ADAMTS19: variants seen among roughly 807,000 people sequenced by gnomAD.
ADAMTS19 encodes A disintegrin and metalloproteinase with thrombospondin motifs 19.
Under a neutral mutation model 153.3 loss-of-function variants are expected in ADAMTS19, and 93 were observed. The observed-to-expected ratio is 0.61, with a 90% CI of 0.51 to 0.72. ADAMTS19 has a LOEUF of 0.72. Among genes scored for constraint, ADAMTS19 ranks in the 30% least tolerant of loss-of-function variants. The pLI is 0.00. For synonymous variants in ADAMTS19, 600 were observed against 556.6 expected, an observed-to-expected ratio of 1.08 and a Z score of -1.10; for missense variants, 1,482 against 1,552.1, an observed-to-expected ratio of 0.95 and a Z score of 0.76.
chr5:129,614,103 A>T (rs569260850), intron 8 of ADAMTS19, among the ~76,000 whole-genome samples: 69 of 152,296 alleles, frequency 4.5e-4, no homozygotes, highest in African/African-American at 1.7e-3. Context: ...ATTCTACCAG[A>T]GGTACAAGGA....
At chr5:129,646,156 G>A (rs547727593) in intron 11 of ADAMTS19, among the ~76,000 whole-genome samples, 1 of 151,792 alleles carries the variant, frequency 6.6e-6, no homozygotes, top group South Asian at 2.1e-4. Context: ...CCAAAGTGCT[G>A]GGATTACAGG....
At chr5:129,642,203 G>C (rs767541928) in intron 11 of ADAMTS19, among the ~76,000 whole-genome samples, 17 of 151,816 alleles carry the variant, frequency 1.1e-4, no homozygotes, top group Non-Finnish European at 8.8e-5. Flanking sequence ...TGAGAATGTT[G>C]AGAGTCATAT....
chr5:129,614,946 C>T (rs953047640), intron 8 of ADAMTS19, among the ~76,000 whole-genome samples: 3 of 151,954 alleles, frequency 2.0e-5, no homozygotes, highest in East Asian at 1.9e-4. Context: ...ATTGATTCAA[C>T]GAGAATGAAA....
chr5:129,499,837 T>C (rs1312512276), intron 2 of ADAMTS19, among the ~76,000 whole-genome samples: 1 of 152,114 alleles, frequency 6.6e-6, no homozygotes, highest in East Asian at 1.9e-4. Context: ...CATTCCCACT[T>C]CCCATACATG....
At chr5:129,629,948 GT>G (rs1323450032) in intron 10 of ADAMTS19, among the ~76,000 whole-genome samples, 1 of 152,088 alleles carries the variant, frequency 6.6e-6, no homozygotes, top group Admixed American at 6.6e-5. Flanking sequence ...GGAAGGAAGT[GT>G]GATAAAACTG....
intron 7 of ADAMTS19, among the ~76,000 whole-genome samples, chr5:129,552,458 A>C (rs1291444667): frequency 6.6e-6 from 1 of 151,784 alleles, no homozygotes; most frequent in Non-Finnish European, 1.5e-5. Context: ...AAATGGTCAC[A>C]TATATGTTCA....
chr5:129,496,519 T>C (rs1750932559), intron 2 of ADAMTS19, among the ~76,000 whole-genome samples: 1 of 152,076 alleles, frequency 6.6e-6, no homozygotes, highest in African/African-American at 2.4e-5. Context: ...ACTAATCTTG[T>C]TTCCATGGTA....
intron 2 of ADAMTS19, among the ~76,000 whole-genome samples, chr5:129,474,112 T>A (rs1750148796): frequency 6.6e-6 from 1 of 152,154 alleles, no homozygotes; most frequent in Admixed American, 6.5e-5. Flanking sequence ...ACTCTGTGTC[T>A]CTATAGATTT....
At chr5:129,570,988 C>T (rs745311538) in intron 7 of ADAMTS19, among the ~76,000 whole-genome samples, 30 of 151,766 alleles carry the variant, frequency 2.0e-4, no homozygotes, top group African/African-American at 5.6e-4. Context: ...GGTGAAAAAA[C>T]GAATGCTTTC....
Position 129,648,911 on chromosome 5 carries a change from A to T in ADAMTS19, c.2117A>T (p.Tyr706Phe). 6.2e-7 allele frequency: 1 copy of T among 1,613,754 alleles called. No individual in the cohort carries two copies. The stretch of plus-strand genomic sequence containing the variant: ...TTCAGAGACTGGCAATGTCAGGCTT[A>T]TAGTGTTAGAACTTCCTCCCCAAAG... ...PGFRDWQCQAYSVRTSSPKHI... is the reference protein window; with the variant it reads ...PGFRDWQCQAFSVRTSSPKHI... The change falls in exon 13 of 23, where the codon TAT becomes TTT. Residue 706 changes from tyrosine (Y) to phenylalanine (F), a missense_variant. Tyr to Phe is a conservative substitution (Grantham distance 22, BLOSUM62 3). Around this residue, in one of 2 missense-constraint regions of ADAMTS19, gnomAD observed 616 missense variants for 724.4 expected, o/e 0.85. Transcript: ENST00000274487.
At position 129,607,062 on chromosome 5, in the gene ADAMTS19, C is replaced by T. The variant is rs375110329; in HGVS notation, c.1478+10398C>T. ...CCTCCTGAGTAGCTGGGATTACAGG[C>T]GCTCAGCACCCCACCCAGCTAATTT... On this transcript the variant is annotated intron_variant, in intron 8 of 22. Coordinates refer to ENST00000274487, the MANE Select transcript of ADAMTS19 (RefSeq NM_133638.6). 7.9e-5 allele frequency among the ~76,000 whole-genome samples: 12 copies of T among 152,012 alleles called. No individual in the cohort carries two copies. The South Asian group carries it at 1.9e-3, about 24-fold the overall frequency.
At chr5:129,526,851 G>A (rs1399046523) in intron 4 of ADAMTS19, among the ~76,000 whole-genome samples, 1 of 151,282 alleles carries the variant, frequency 6.6e-6, no homozygotes, top group Admixed American at 6.6e-5. Context: ...TATTTATGGG[G>A]TACATAAGAT....
intron 6 of ADAMTS19, among the ~76,000 whole-genome samples, chr5:129,533,686 T>C (rs113551483): frequency 6.6e-6 from 1 of 152,176 alleles, no homozygotes; most frequent in Admixed American, 6.5e-5. Context: ...ATTGTGATGT[T>C]AGGGTGTCAA....
At chr5:129,467,531 G>A (rs1749907804) in intron 2 of ADAMTS19, among the ~76,000 whole-genome samples, 1 of 152,128 alleles carries the variant, frequency 6.6e-6, no homozygotes. Context: ...GAAAATCAAA[G>A]AGAAAGAGAA....
At chr5:129,609,624 C>T (rs996228270) in intron 8 of ADAMTS19, among the ~76,000 whole-genome samples, 14 of 152,184 alleles carry the variant, frequency 9.2e-5, no homozygotes, top group African/African-American at 3.4e-4. Flanking sequence ...AACGATACCA[C>T]GTAGAATAAT....
Position 129,509,114 on chromosome 5 carries a change from T to C in ADAMTS19, c.785T>C (p.Ile262Thr). ...FIQLNEDFIF[I>T]EPLNDTMAIT... ...CAGCTCAATGAGGACTTCATATTTA[T>C]TGAGCCACTCAATGATACAATGGCC... The change falls in exon 3 of 23, where the codon ATT (isoleucine) becomes ACT (threonine). Residue 262 changes from isoleucine (I) to threonine (T), a missense_variant. Physicochemically the swap from Ile to Thr is moderately conservative, Grantham distance 89 (BLOSUM62 -1). Coordinates refer to ENST00000274487, the MANE Select transcript of ADAMTS19 (RefSeq NM_133638.6). The C allele has an allele frequency of 1.9e-6, 3 of 1,611,444 alleles. No individual in the cohort carries two copies. The highest frequency in any genetic ancestry group is 2.5e-6 in the Non-Finnish European group (3 of 1,178,388).
chr5:129,603,511 G>C (rs1205736908), intron 8 of ADAMTS19, among the ~76,000 whole-genome samples: 1 of 151,912 alleles, frequency 6.6e-6, no homozygotes, highest in Non-Finnish European at 1.5e-5. Flanking sequence ...AATTCCATTT[G>C]CGTTGTGGAT....
chr5:129,567,779 C>T (rs76898308), intron 7 of ADAMTS19, among the ~76,000 whole-genome samples: 3,607 of 151,998 alleles, frequency 0.024, 116 homozygotes, highest in African/African-American at 0.078. Context: ...GAAGACTTCT[C>T]ACATTTGGAA....
At chr5:129,664,810 A>T (rs567497566) in intron 15 of ADAMTS19, among the ~76,000 whole-genome samples, 10 of 152,128 alleles carry the variant, frequency 6.6e-5, no homozygotes, top group Admixed American at 1.3e-4. Flanking sequence ...TTTTCTGCAC[A>T]TTTTCTCTTA....
Sources: gnomAD v4.1 joint callset for allele counts (sites outside exome capture counted in the v4.1 genomes callset) on GRCh38, gnomAD v4.1.1 for gene constraint, gnomAD v4.1.1 regional missense constraint, MANE v1.5 for transcripts, NCBI Gene and HGNC (gene_info 2026-07-23, HGNC 2026-07-21) for gene names.